The following PLEKHA7 variants were observed in gnomAD, a reference collection of about 807,000 sequenced individuals.
PLEKHA7 encodes the protein pleckstrin homology domain containing A7.
Under a neutral mutation model 170.0 loss-of-function variants are expected in PLEKHA7, and 104 were observed. That is an observed-to-expected ratio of 0.61 (90% CI 0.52 to 0.72). PLEKHA7 has a LOEUF of 0.72. Ranked by LOEUF, PLEKHA7 falls within the 30% of genes least tolerant of loss-of-function variation. PLEKHA7 has a pLI of 0.00. For missense variants in PLEKHA7, 1,615 were observed against 1,671.7 expected, an observed-to-expected ratio of 0.97 and a Z score of 0.59; for synonymous variants, 648 against 660.8, an observed-to-expected ratio of 0.98 and a Z score of 0.30.
At chr11:16,847,114 T>G (rs1240640677) in intron 8 of PLEKHA7, among the ~76,000 whole-genome samples, 1 of 133,326 alleles carries the variant, frequency 7.5e-6, no homozygotes, top group Admixed American at 7.5e-5. Flanking sequence ...TTTTTTTTTT[T>G]GAGACGGAGT....
At position 16,889,400 on chromosome 11, in the gene PLEKHA7, C is replaced by CAAAA. The variant is rs869268116; in HGVS notation, c.222-18222_222-18219dup. ...CAGGTGAATTAAAAGCTTTATTGCTCAAAAAAAAAAAAAAAAAAAAATATA... is the reference window on the plus strand; with the variant it reads ...CAGGTGAATTAAAAGCTTTATTGCTCAAAAAAAAAAAAAAAAAAAAAAAAATATA... On this transcript the variant is annotated intron_variant, in intron 3 of 26. Transcript: ENST00000531066. 4.5e-3 allele frequency among the ~76,000 whole-genome samples: 239 copies of CAAAA among 52,666 alleles called. 2 individuals are homozygous for CAAAA. The highest frequency in any genetic ancestry group is 0.013 in the Middle Eastern group (1 of 76). The allele number at this position is 52,666 out of a possible 152,430, so 34.6% of individuals were successfully genotyped here.
intron 3 of PLEKHA7, among the ~76,000 whole-genome samples, chr11:16,872,123 C>T (rs751078855): frequency 2.0e-5 from 3 of 151,970 alleles, no homozygotes; most frequent in Non-Finnish European, 4.4e-5. Flanking sequence ...TGTGCACTAC[C>T]ACGCCCGGCT....
intron 3 of PLEKHA7, among the ~76,000 whole-genome samples, chr11:16,902,937 T>C (rs1438767582): frequency 6.6e-6 from 1 of 152,196 alleles, no homozygotes; most frequent in African/African-American, 2.4e-5. Flanking sequence ...TTGAAACAGC[T>C]CTTCCCATAA....
chr11:16,807,596 CT>C (rs930348585), intron 13 of PLEKHA7, among the ~76,000 whole-genome samples: 2 of 152,152 alleles, frequency 1.3e-5, no homozygotes, highest in Admixed American at 1.3e-4. Context: ...TTCTTTTGTC[CT>C]CCCTCATCAC....
intron 3 of PLEKHA7, among the ~76,000 whole-genome samples, chr11:16,891,895 C>G (rs1237408416): frequency 6.6e-6 from 1 of 152,186 alleles, no homozygotes; most frequent in Non-Finnish European, 1.5e-5. Context: ...CTGTCTTCAT[C>G]ACTAAAGGAT....
At chr11:16,836,446 A>G (rs766306631) in intron 9 of PLEKHA7, among the ~76,000 whole-genome samples, 2 of 152,186 alleles carry the variant, frequency 1.3e-5, no homozygotes, top group Admixed American at 6.5e-5. Flanking sequence ...TACCACCACT[A>G]ATAAAGGAAG....
intron 3 of PLEKHA7, among the ~76,000 whole-genome samples, chr11:16,877,470 T>C (rs1385384136): frequency 6.6e-6 from 1 of 152,256 alleles, no homozygotes; most frequent in Non-Finnish European, 1.5e-5. Flanking sequence ...TTAAGCTCCT[T>C]GTGACTAATT....
chr11:16,939,902 C>A (rs2136395882), intron 3 of PLEKHA7, among the ~76,000 whole-genome samples: 1 of 152,286 alleles, frequency 6.6e-6, no homozygotes, highest in Non-Finnish European at 1.5e-5. Context: ...GCTCTCTGGG[C>A]AGAGGTAACA....
At chr11:16,829,756 CAGAGCA>C (rs1850955675) in intron 9 of PLEKHA7, among the ~76,000 whole-genome samples, 1 of 152,166 alleles carries the variant, frequency 6.6e-6, no homozygotes, top group African/African-American at 2.4e-5. Flanking sequence ...GCCTGGGCAA[CAGAGCA>C]AGACTCCGCC....
At chr11:16,880,251 C>T (rs77570777) in intron 3 of PLEKHA7, among the ~76,000 whole-genome samples, 1,850 of 152,248 alleles carry the variant, frequency 0.012, 39 homozygotes, top group African/African-American at 0.042. Context: ...CACAGGCCTG[C>T]AGGAAGCCCA....
intron 3 of PLEKHA7, among the ~76,000 whole-genome samples, chr11:16,912,880 C>G (rs1858352692): frequency 6.6e-6 from 1 of 152,156 alleles, no homozygotes; most frequent in South Asian, 2.1e-4. Context: ...AATTGCCAGC[C>G]AGCTCTAAAA....
intron 3 of PLEKHA7, among the ~76,000 whole-genome samples, chr11:16,946,465 G>C (rs1370262915): frequency 2.0e-5 from 3 of 152,128 alleles, no homozygotes; most frequent in Non-Finnish European, 2.9e-5. Context: ...TTTGAAATTG[G>C]TCACAGAATA....
chr11:16,809,274 C>T (rs541660222), intron 13 of PLEKHA7, among the ~76,000 whole-genome samples: 58 of 152,300 alleles, frequency 3.8e-4, no homozygotes, highest in African/African-American at 1.3e-3. Context: ...CACAAGCACC[C>T]CTGATTCTGG....
intron 3 of PLEKHA7, among the ~76,000 whole-genome samples, chr11:16,906,223 G>T (rs1857653859): frequency 8.2e-6 from 1 of 122,520 alleles, no homozygotes; most frequent in Admixed American, 8.5e-5. Flanking sequence ...TTAAAATGAG[G>T]TAGGAAGGAA....
At chr11:16,849,504 A>G (rs1334105530) in intron 8 of PLEKHA7, among the ~76,000 whole-genome samples, 1 of 152,254 alleles carries the variant, frequency 6.6e-6, no homozygotes, top group African/African-American at 2.4e-5. Context: ...TTCTAAAATG[A>G]TACAATTAAT....
chr11:16,783,623 C>T (rs943439957), intron 25 of PLEKHA7, 77 bp downstream of exon 25: 9 of 1,311,776 alleles, frequency 6.9e-6, no homozygotes, highest in South Asian at 2.2e-5. Flanking sequence ...CCAGCCAGCC[C>T]GGCCCAGGGC....
intron 3 of PLEKHA7, chr11:16,881,533 T>C (rs1230625569): frequency 6.6e-6 from 1 of 152,212 alleles, no homozygotes; most frequent in South Asian, 2.1e-4. Flanking sequence ...CAGCTCTGAG[T>C]CACTGCCCCA....
intron 3 of PLEKHA7, among the ~76,000 whole-genome samples, chr11:16,968,842 C>T (rs6486331): frequency 0.49 from 75,153 of 151,926 alleles, 19,864 homozygotes; most frequent in African/African-American, 0.68. Context: ...CTCAGGAACA[C>T]GCTAGTACCT....
intron 3 of PLEKHA7, among the ~76,000 whole-genome samples, chr11:16,875,614 AT>A (rs574205482): frequency 4.7e-5 from 7 of 149,024 alleles, no homozygotes; most frequent in East Asian, 3.9e-4. Context: ...TGCCCGGCTA[AT>A]TTTTTTTTTA....
Sources: gnomAD v4.1 joint callset for allele counts (sites outside exome capture counted in the v4.1 genomes callset) on GRCh38, gnomAD v4.1.1 for gene constraint, MANE v1.5 for transcripts, NCBI Gene and HGNC (gene_info 2026-07-23, HGNC 2026-07-21) for gene names.